MMP8: variants seen among roughly 807,000 people sequenced by gnomAD.
MMP8 encodes matrix metallopeptidase 8.
A neutral mutation model predicts 51.2 loss-of-function variants in MMP8; 67 were observed. The ratio of observed to expected loss-of-function variants is 1.31; its 90% CI spans 1.08 to 1.60. The LOEUF is 1.60. Ranked by LOEUF, MMP8 falls within the 40% of genes most tolerant of loss-of-function variation. The pLI, the probability that MMP8 is intolerant of heterozygous loss-of-function variation, is 0.00. For missense variants in MMP8, 654 were observed against 558.1 expected, an observed-to-expected ratio of 1.17 and a Z score of -1.73; for synonymous variants, 225 against 191.0, an observed-to-expected ratio of 1.18 and a Z score of -1.47.
Position 102,713,397 on chromosome 11 carries a change from A to G in MMP8, c.1355T>C (p.Val452Ala). 1 of 1,613,738 alleles carries G rather than the reference A, an allele frequency of 6.2e-7. No individual in the cohort carries two copies. Among genetic ancestry groups the G allele is most frequent in the Non-Finnish European group, 8.5e-7 (1 of 1,179,722 alleles). ...TTTATTGCCTCTTGCAACTCTGGTAACTCTCTGAGCAATAAGATCAAATGC... is the reference window on the plus strand; with the variant it reads ...TTTATTGCCTCTTGCAACTCTGGTAGCTCTCTGAGCAATAAGATCAAATGC... ...YYAFDLIAQR[V>A]TRVARGNKWL... The change falls in exon 10 of 10, where the codon GTT (valine) becomes GCT (alanine). Residue 452 changes from valine to alanine, a missense_variant. By Grantham distance (64) the Val-to-Ala change is moderately conservative. Transcript: ENST00000236826.
At chr11:102,720,086 T>C (rs1323935511) in intron 4 of MMP8, among the ~76,000 whole-genome samples, 4 of 152,242 alleles carry the variant, frequency 2.6e-5, no homozygotes, top group South Asian at 2.1e-4. Flanking sequence ...GAATGTACAA[T>C]GTGGGTGTTA....
Position 102,716,389 on chromosome 11 carries a change from C to A in MMP8, c.815G>T (p.Gly272Val). Residue 272 changes from glycine to valine, a missense_variant, in exon 6 of 10, where the codon GGA becomes GTA. Coordinates refer to ENST00000236826, the MANE Select transcript of MMP8 (RefSeq NM_002424.3). ...GTCACAGGGTTTGGGTGTGCTTGGT[C>A]CAGTAGGTTGGATAGGGTTGCTTGA... ...GLSSNPIQPT[G>V]PSTPKPCDPS... is the part of the protein sequence containing the mutation. 2 of 1,551,436 alleles carry A rather than the reference C, an allele frequency of 1.3e-6. No homozygotes were observed. The highest frequency in any genetic ancestry group is 1.1e-5 in the South Asian group (1 of 88,428).
intron 7 of MMP8, 82 bp from the exon 8 acceptor site, chr11:102,714,791 T>C (rs71478594): frequency 3.9e-6 from 1 of 256,488 alleles, no homozygotes; most frequent in Non-Finnish European, 7.0e-6. Context: ...TATATATATA[T>C]ATATATATAT....
chr11:102,714,145 T>C (rs897446572), intron 8 of MMP8, among the ~76,000 whole-genome samples: 4 of 152,220 alleles, frequency 2.6e-5, no homozygotes, highest in Non-Finnish European at 4.4e-5. Flanking sequence ...GTATATAGTA[T>C]AACTCCCTTG....
chr11:102,713,927 T>C, intron 8 of MMP8, 70 bp from the exon 9 acceptor site: 1 of 1,064,088 alleles, frequency 9.4e-7, no homozygotes. Context: ...TTTTTTATTG[T>C]ATATAATTTA....
Position 102,716,423 on chromosome 11 carries a change from G to GAAAA in MMP8, c.785-8_785-5dup, listed in dbSNP as rs751481811. The GAAAA allele has an allele frequency of 1.8e-3, 702 of 395,328 alleles. 5 individuals carry two copies. The highest frequency in any genetic ancestry group is 6.0e-3 in the African/African-American group (163 of 27,038). The allele number at this position is 395,328 out of a possible 1,614,324, so 24.5% of individuals were successfully genotyped here. On this transcript the variant is annotated splice_region_variant and splice_polypyrimidine_tract_variant and intron_variant, in intron 5 of 9. Transcript: ENST00000236826. ...TGGATAGGGTTGCTTGAAAGTCCTG[G>GAAAA]AAAAAAAAAAAAAAAAAAAAAAAAG...
chr11:102,723,156 C>T lies in MMP8; in HGVS notation c.103-483G>A, dbSNP rs1235233908. 5 of 699,992 alleles carry T rather than the reference C, an allele frequency of 7.1e-6. No individual in the cohort carries two copies. In the African/African-American group the frequency reaches 7.4e-5, roughly 10 times the overall value. The allele number at this position is 699,992 out of a possible 1,614,324, so 43.4% of individuals were successfully genotyped here. ...CAGATTTTAACTCACCATGTTGCCT[C>T]TCAAATGAGAACTGATAATTTCAAA... On this transcript the variant is annotated intron_variant, in intron 1 of 9. Coordinates refer to ENST00000236826, the MANE Select transcript of MMP8 (RefSeq NM_002424.3).
intron 4 of MMP8, among the ~76,000 whole-genome samples, chr11:102,718,848 A>C (rs574810696): frequency 1.3e-5 from 2 of 152,344 alleles, no homozygotes; most frequent in East Asian, 3.9e-4. Flanking sequence ...CATTTTACAA[A>C]TGTGCATCTG....
chr11:102,721,511 G>A lies in MMP8; in HGVS notation c.512C>T (p.Ser171Phe), dbSNP rs1657490359. The change falls in exon 4 of 10, where the codon TCT becomes TTT. Residue 171 changes from serine to phenylalanine, a missense_variant. By Grantham distance (155) the Ser-to-Phe change is radical (BLOSUM62 -2). Coordinates refer to ENST00000236826, the MANE Select transcript of MMP8 (RefSeq NM_002424.3). ...GATTCCATTGGGTCCATCAAATGGAGAATTGTCACCGTGATCTGAAATAAG... is the reference window on the plus strand; with the variant it reads ...GATTCCATTGGGTCCATCAAATGGAAAATTGTCACCGTGATCTGAAATAAG... ...AFYQRDHGDN[S>F]PFDGPNGILA... 1.9e-6 allele frequency: 3 copies of A among 1,613,736 alleles called. No homozygotes were observed. The highest frequency in any genetic ancestry group is 2.2e-5 in the East Asian group (1 of 44,890).
At chr11:102,718,614 A>G in intron 4 of MMP8, 39 bp from the exon 5 acceptor site, 1 of 1,610,910 alleles carries the variant, frequency 6.2e-7, no homozygotes, top group Non-Finnish European at 8.5e-7. Flanking sequence ...CTCAGTGTGG[A>G]TCCCAGGGTG....
At chr11:102,714,439 G>T in intron 8 of MMP8, 117 bp downstream of exon 8, 1 of 602,932 alleles carries the variant, frequency 1.7e-6, no homozygotes, top group Non-Finnish European at 2.5e-6. Flanking sequence ...ATATATTCTC[G>T]GTAAAACCTA....
chr11:102,714,574 A>G lies in MMP8; in HGVS notation c.1172T>C (p.Val391Ala). The G allele has an allele frequency of 6.8e-7, 1 of 1,477,524 alleles. No homozygotes were observed. Among genetic ancestry groups the G allele is most frequent in the South Asian group, 1.4e-5 (1 of 69,170 alleles). The allele number at this position is 1,477,524 out of a possible 1,614,324, so 91.5% of individuals were successfully genotyped here. Reference sequence around the variant, plus strand: ...ACGTTACCTCCAGAATTGGTCATTTACAAAGAAGTATGTTTTACTTCTGTA... The same window carrying G: ...ACGTTACCTCCAGAATTGGTCATTTGCAAAGAAGTATGTTTTACTTCTGTA... ...VFYRSKTYFF[V>A]NDQFWRYDNQ... The change falls in exon 8 of 10, where the codon GTA (valine) becomes GCA (alanine). Residue 391 changes from valine to alanine, a missense_variant. By Grantham distance (64) the Val-to-Ala change is moderately conservative (BLOSUM62 0). Transcript: ENST00000236826.
chr11:102,718,378 C>A (rs1389758102), intron 5 of MMP8, 36 bp downstream of exon 5: 1 of 1,585,030 alleles, frequency 6.3e-7, no homozygotes, highest in South Asian at 1.1e-5. Flanking sequence ...TTCCCAGGTC[C>A]TACCATGTAC....
rs750688454 is a variant in MMP8, at chr11:102,718,436, G to A, written c.762C>T (p.Ile254=). The change falls in exon 5 of 10, where the codon ATC becomes ATT. Residue 254 remains isoleucine (I), a synonymous_variant. Coordinates refer to ENST00000236826, the MANE Select transcript of MMP8 (RefSeq NM_002424.3). ...TACCATAGATGGCCTGAATGCCATC[G>A]ATGTCATCTTGAGGGAGTGAGTAGT... ...TSNYSLPQDD[I]DGIQAIYGLS... The A allele has an allele frequency of 4.3e-6, 7 of 1,612,620 alleles. No individual in the cohort carries two copies. The highest frequency in any genetic ancestry group is 3.3e-5 in the Admixed American group (2 of 59,784).
In MMP8 at chr11:102,722,543, G is replaced by C; in HGVS notation, c.233C>G (p.Pro78Arg). 6.2e-7 allele frequency: 1 copy of C among 1,613,912 alleles called. No individual in the cohort carries two copies. Among genetic ancestry groups the C allele is most frequent in the Non-Finnish European group, 8.5e-7 (1 of 1,179,842 alleles). ...RFFGLNVTGK[P>R]NEETLDMMKK... Reference sequence around the variant, plus strand: ...CATCATGTCCAGAGTTTCCTCATTTGGCTTCCCCGTCACATTCAACCCAAA... The same window carrying C: ...CATCATGTCCAGAGTTTCCTCATTTCGCTTCCCCGTCACATTCAACCCAAA... Residue 78 changes from proline (P) to arginine (R), a missense_variant, in exon 2 of 10, where the codon CCA (proline) becomes CGA (arginine). Transcript: ENST00000236826.
Position 102,715,418 on chromosome 11 carries a change from G to A in MMP8, c.922C>T (p.Pro308Ser). The A allele has an allele frequency of 6.2e-7, 1 of 1,613,360 alleles. No homozygotes were observed. The highest frequency in any genetic ancestry group is 1.7e-5 in the Admixed American group (1 of 59,898). Residue 308 changes from proline (P) to serine (S), a missense_variant, in exon 7 of 10, where the codon CCT (proline) becomes TCT (serine). Coordinates refer to ENST00000236826, the MANE Select transcript of MMP8 (RefSeq NM_002424.3). Reference protein sequence around the residue: ...FKDRYFWRRHPQLQRVEMNFI... With the variant: ...FKDRYFWRRHSQLQRVEMNFI... ...TTCATTTCGACTCTTTGTAGCTGAG[G>A]ATGCCTTCTCCAGAAGTACCTAACG...
chr11:102,718,570 T>C lies in MMP8; in HGVS notation c.628A>G (p.Asn210Asp). The change falls in exon 5 of 10, where the codon AAC (asparagine) becomes GAC (aspartate). Residue 210 changes from asparagine to aspartate, a missense_variant. Transcript: ENST00000236826. ...ETWTNTSANY[N>D]LFLVAAHEFG... Reference sequence around the variant, plus strand: ...TCATGAGCAGCAACAAGAAACAAGTTGTAATCTGAAATGCAAACACGGGTG... The same window carrying C: ...TCATGAGCAGCAACAAGAAACAAGTCGTAATCTGAAATGCAAACACGGGTG... The C allele has an allele frequency of 6.2e-7, 1 of 1,613,802 alleles. No individual in the cohort carries two copies.
intron 9 of MMP8, 110 bp downstream of exon 9, chr11:102,713,644 T>C: frequency 9.3e-7 from 1 of 1,080,346 alleles, no homozygotes; most frequent in Non-Finnish European, 1.4e-6. Flanking sequence ...GGTGGGAGGA[T>C]TGCTTGAGGC....
At chr11:102,715,690 T>G (rs1454780888) in intron 6 of MMP8, among the ~76,000 whole-genome samples, 2 of 152,232 alleles carry the variant, frequency 1.3e-5, no homozygotes, top group Non-Finnish European at 2.9e-5. Context: ...TTTGGCATTG[T>G]CCTGCCTTGG....
Sources: gnomAD v4.1 joint callset for allele counts (sites outside exome capture counted in the v4.1 genomes callset) on GRCh38, gnomAD v4.1.1 for gene constraint, MANE v1.5 for transcripts, NCBI Gene and HGNC (gene_info 2026-07-23, HGNC 2026-07-21) for gene names.